Variants in LIFR observed in about 807,000 individuals in gnomAD.
The protein encoded by LIFR is leukemia inhibitory factor receptor.
A neutral mutation model predicts 122.2 loss-of-function variants in LIFR; 84 were observed. That is an observed-to-expected ratio of 0.69 (90% confidence interval 0.58 to 0.82). The LOEUF is 0.82. LIFR is among the 40% of genes least tolerant of loss of function. The pLI, the probability that LIFR is intolerant of heterozygous loss-of-function variation, is 0.00. For missense variants in LIFR, 1,294 were observed against 1,311.6 expected (o/e 0.99, Z 0.21); for synonymous variants, 422 against 434.7 (o/e 0.97, Z 0.36).
chr5:38,501,858 T>C (rs1561148935), intron 11 of LIFR, among the ~76,000 whole-genome samples: 1 of 151,972 alleles, frequency 6.6e-6, no homozygotes, highest in Non-Finnish European at 1.5e-5. Flanking sequence ...GAAAACCAGT[T>C]ACCTGATTTT....
chr5:38,481,506 G>T lies in LIFR; in HGVS notation c.*89C>A. 7.5e-7 allele frequency: 1 copy of T among 1,327,416 alleles called. No individual in the cohort carries two copies. Among genetic ancestry groups the T allele is most frequent in the Non-Finnish European group, 1.1e-6 (1 of 919,330 alleles). 82.2% of individuals were successfully genotyped at this position (1,327,416 alleles called of 1,614,324 possible). ...TTCACCTCCTAACAATACTTCACAG[G>T]ATCCCTCCAAGAATGCCCAGTGCTG... On this transcript the variant is annotated 3_prime_UTR_variant, in exon 20 of 20. Coordinates refer to ENST00000453190, the MANE Select transcript of LIFR (RefSeq NM_001127671.2).
rs2112337306 is a variant in LIFR, at chr5:38,477,666, T to C, written c.*3929A>G. 1 of 216,226 alleles carries C rather than the reference T, an allele frequency of 4.6e-6. No homozygotes were observed. The highest frequency in any genetic ancestry group is 6.9e-5 in the East Asian group (1 of 14,468). The allele number at this position is 216,226 out of a possible 1,614,324, so 13.4% of individuals were successfully genotyped here. On this transcript the variant is annotated 3_prime_UTR_variant, in exon 20 of 20. Transcript: ENST00000453190. Reference sequence around the variant, plus strand: ...CCGTGGAGTCACTTCCGAAGTAGATTTGAATCTTTGAGTCAATAGTCTCAG... The same window carrying C: ...CCGTGGAGTCACTTCCGAAGTAGATCTGAATCTTTGAGTCAATAGTCTCAG...
chr5:38,495,752 A>G (rs559558068), intron 13 of LIFR, among the ~76,000 whole-genome samples: 1 of 152,200 alleles, frequency 6.6e-6, no homozygotes, highest in Non-Finnish European at 1.5e-5. Context: ...TTTAAAGCTC[A>G]TAACTCTCAA....
At chr5:38,486,022 G>T in intron 16 of LIFR, 42 bp from the exon 17 acceptor site, 1 of 1,560,320 alleles carries the variant, frequency 6.4e-7, no homozygotes, top group Non-Finnish European at 8.8e-7. Flanking sequence ...TCTCTAACCC[G>T]TTTCAAATGC....
intron 14 of LIFR, chr5:38,490,591 CATT>C (rs1342481265): frequency 5.7e-6 from 1 of 176,032 alleles, no homozygotes; most frequent in Non-Finnish European, 1.2e-5. Flanking sequence ...AAGAAATCAT[CATT>C]GCTTGATTTT....
Position 38,489,105 on chromosome 5 carries a change from T to C in LIFR, c.2308A>G (p.Thr770Ala), listed in dbSNP as rs1355235246. The C allele has an allele frequency of 6.2e-7, 1 of 1,613,118 alleles. No homozygotes were observed. The highest frequency in any genetic ancestry group is 8.5e-7 in the Non-Finnish European group (1 of 1,179,276). Residue 770 changes from threonine (T) to alanine (A), a missense_variant, in exon 16 of 20, where the codon ACA becomes GCA. Coordinates refer to ENST00000453190, the MANE Select transcript of LIFR (RefSeq NM_001127671.2). Reference sequence around the variant, plus strand: ...GATTCTAAAACCCTCATCTTAGATGTGTCTCTTTCTCCTTTTCCAAAGTAA... The same window carrying C: ...GATTCTAAAACCCTCATCTTAGATGCGTCTCTTTCTCCTTTTCCAAAGTAA... ...LFYFGKGERD[T>A]SKMRVLESGR...
chr5:38,509,531 G>T (rs1033050627), intron 7 of LIFR, among the ~76,000 whole-genome samples: 2 of 152,100 alleles, frequency 1.3e-5, no homozygotes, highest in Non-Finnish European at 2.9e-5. Context: ...GTAAACGAGA[G>T]AGCTGCTGAT....
Position 38,554,770 on chromosome 5 carries a change from G to C in LIFR, c.-20+1564C>G, listed in dbSNP as rs79834144. Among the ~76,000 whole-genome samples, 1,785 of 152,268 alleles carry C rather than the reference G, an allele frequency of 0.012. 186 individuals are homozygous for C. The East Asian group carries it at 0.25, about 21-fold the overall frequency. The stretch of plus-strand genomic sequence containing the variant: ...ACATGATGGGAGAGAGGTATACTCC[G>C]TATCTTTTATATCTATTGAATCTTC... On this transcript the variant is annotated intron_variant, in intron 1 of 19. Coordinates refer to ENST00000453190, the MANE Select transcript of LIFR (RefSeq NM_001127671.2).
intron 1 of LIFR, among the ~76,000 whole-genome samples, chr5:38,576,040 T>C (rs2112726776): frequency 6.6e-6 from 1 of 152,242 alleles, no homozygotes; most frequent in Non-Finnish European, 1.5e-5. Flanking sequence ...GGAAAGACCA[T>C]GGCTTTGAAA....
chr5:38,492,520 C>G (rs1744650262), intron 14 of LIFR, among the ~76,000 whole-genome samples: 1 of 152,096 alleles, frequency 6.6e-6, no homozygotes, highest in Admixed American at 6.5e-5. Flanking sequence ...TTGATAAGTA[C>G]AGTGCACTGT....
intron 1 of LIFR, among the ~76,000 whole-genome samples, chr5:38,551,787 C>T (rs1478895261): frequency 6.6e-6 from 1 of 152,232 alleles, no homozygotes; most frequent in Non-Finnish European, 1.5e-5. Flanking sequence ...TTTTCCTCAA[C>T]TTCCAACATG....
chr5:38,592,667 A>G (rs2112766381), intron 1 of LIFR, among the ~76,000 whole-genome samples: 1 of 152,158 alleles, frequency 6.6e-6, no homozygotes, highest in South Asian at 2.1e-4. Flanking sequence ...AAAAAAAAAA[A>G]AAAAAAAAGT....
In LIFR at chr5:38,590,851, C is replaced by T. The variant is rs1749900770; in HGVS notation, c.-20+4410G>A. Among the ~76,000 whole-genome samples the T allele has an allele frequency of 2.0e-5, 3 of 152,204 alleles. No homozygotes were observed. In the South Asian group the frequency reaches 6.2e-4, roughly 31 times the overall value. On this transcript the variant is annotated intron_variant, in intron 1 of 19. Coordinates refer to the LIFR transcript ENST00000263409. The stretch of plus-strand genomic sequence containing the variant: ...CCCGGGGATCTGACACCAGTGACTG[C>T]AAATGACTTACACATTTCATTCAAA...
chr5:38,607,637 G>C (rs1287132356), intron 1 of LIFR: 1 of 152,122 alleles, frequency 6.6e-6, no homozygotes, highest in African/African-American at 2.4e-5. Flanking sequence ...GTGGAACAGC[G>C]GTCAGAGCAT....
At chr5:38,530,701 ATTGT>A in intron 1 of LIFR, 35 bp from the exon 2 acceptor site, 2 of 1,583,884 alleles carry the variant, frequency 1.3e-6, no homozygotes, top group Non-Finnish European at 1.7e-6. Flanking sequence ...TGGTGTTCAG[ATTGT>A]TCTGAAGGCT....
At chr5:38,510,268 G>C (rs1287366935) in intron 7 of LIFR, among the ~76,000 whole-genome samples, 196 bp downstream of exon 7, 2 of 152,174 alleles carry the variant, frequency 1.3e-5, no homozygotes, top group Non-Finnish European at 2.9e-5. Context: ...TACAGGTTAT[G>C]TGGAAAACAA....
upstream of LIFR, among the ~76,000 whole-genome samples, chr5:38,597,509 G>A (rs1310430368): frequency 6.6e-6 from 1 of 152,200 alleles, no homozygotes; most frequent in African/African-American, 2.4e-5. Context: ...AGGGACTAAA[G>A]CACCAAAGTA....
chr5:38,527,104 A>T, intron 4 of LIFR, 51 bp downstream of exon 4: 1 of 1,504,216 alleles, frequency 6.6e-7, no homozygotes, highest in Non-Finnish European at 9.1e-7. Flanking sequence ...CACAATACTA[A>T]CAAGTGACAC....
Position 38,590,562 on chromosome 5 carries a change from C to T in LIFR, c.-20+4699G>A, listed in dbSNP as rs77930510. ...AGGCAAATACTGTTTCAATGATGAC[C>T]GTGAATAACAATTAGAAGAAGAGCT... is the stretch of plus-strand genomic sequence containing the variant. On this transcript the variant is annotated intron_variant, in intron 1 of 19. Transcript: ENST00000263409. Among the ~76,000 whole-genome samples the T allele has an allele frequency of 3.6e-3, 553 of 152,214 alleles. 1 individual carries two copies. Among genetic ancestry groups the T allele is most frequent in the Non-Finnish European group, 6.1e-3 (416 of 68,010 alleles).
Sources: gnomAD v4.1 joint callset for allele counts (sites outside exome capture counted in the v4.1 genomes callset) on GRCh38, gnomAD v4.1.1 for gene constraint, MANE v1.5 for transcripts, NCBI Gene and HGNC (gene_info 2026-07-23, HGNC 2026-07-21) for gene names.